The following SUGCT variants were observed in gnomAD, a reference collection of about 807,000 sequenced individuals.
The protein encoded by SUGCT is succinyl-CoA:glutarate CoA-transferase.
SUGCT carries 41 observed loss-of-function variants against 55.0 expected under a neutral mutation model. The observed-to-expected ratio is 0.74, with a 90% CI of 0.58 to 0.97. SUGCT has a LOEUF of 0.97. Among genes scored for constraint, SUGCT ranks in the 50% least tolerant of loss-of-function variants. The pLI, the probability that SUGCT is intolerant of heterozygous loss-of-function variation, is 0.00. For missense variants in SUGCT, 568 were observed against 547.8 expected (o/e 1.04, Z -0.37); for synonymous variants, 187 against 200.4 (o/e 0.93, Z 0.56).
intron 9 of SUGCT, among the ~76,000 whole-genome samples, chr7:40,415,044 CAA>C (rs66493575): frequency 0.011 from 766 of 71,036 alleles, 14 homozygotes; most frequent in Middle Eastern, 0.019. Flanking sequence ...CACTCTGTCA[CAA>C]AAAAAAAAAA....
At chr7:40,921,696 C>T in the SUGCT span, among the ~76,000 whole-genome samples, 1 of 152,184 alleles carries the variant, frequency 6.6e-6, no homozygotes, top group Admixed American at 6.5e-5. Context: ...CCTTTGTCTG[C>T]TTCCAAAGCT....
chr7:40,146,152 A>G (rs182679244), intron 1 of SUGCT, among the ~76,000 whole-genome samples: 50 of 151,982 alleles, frequency 3.3e-4, no homozygotes, highest in African/African-American at 1.1e-3. Context: ...TGTGCTCATA[A>G]TGTTTCCTCT....
chr7:40,589,025 G>A (rs1467257377), intron 12 of SUGCT, among the ~76,000 whole-genome samples: 1 of 152,056 alleles, frequency 6.6e-6, no homozygotes, highest in Non-Finnish European at 1.5e-5. Flanking sequence ...CATTTTCAAA[G>A]TATGATCTAA....
chr7:40,430,560 T>G (rs1787839407), intron 9 of SUGCT, among the ~76,000 whole-genome samples: 1 of 152,216 alleles, frequency 6.6e-6, no homozygotes. Flanking sequence ...TTTTAGATCT[T>G]AACCTCTTAT....
At chr7:40,865,043 C>T (rs1241034734), downstream of SUGCT, among the ~76,000 whole-genome samples, 6 of 152,098 alleles carry the variant, frequency 3.9e-5, no homozygotes, top group Non-Finnish European at 1.5e-5. Context: ...GTCCTGATTA[C>T]TCCCGTTCTT....
At chr7:40,341,531 A>G (rs1289174767) in intron 9 of SUGCT, among the ~76,000 whole-genome samples, 1 of 152,190 alleles carries the variant, frequency 6.6e-6, no homozygotes, top group African/African-American at 2.4e-5. Context: ...GATAATCTGA[A>G]AGGGCAGGCA....
chr7:40,352,750 T>A (rs1028323278), intron 9 of SUGCT, among the ~76,000 whole-genome samples: 1 of 152,190 alleles, frequency 6.6e-6, no homozygotes, highest in Non-Finnish European at 1.5e-5. Flanking sequence ...CGTGCGTGTG[T>A]CTTTATGGTA....
chr7:40,373,903 A>G (rs186650449), intron 9 of SUGCT, among the ~76,000 whole-genome samples: 232 of 152,278 alleles, frequency 1.5e-3, no homozygotes, highest in Middle Eastern at 3.4e-3. Context: ...CATAATGCCT[A>G]TATTAATTTT....
intron 12 of SUGCT, among the ~76,000 whole-genome samples, chr7:40,572,682 CTAA>C (rs1354605508): frequency 6.6e-6 from 1 of 152,108 alleles, no homozygotes; most frequent in Non-Finnish European, 1.5e-5. Context: ...TCATATTATC[CTAA>C]TGTTTAAAGT....
At chr7:40,842,505 A>G (rs1310556210) in intron 13 of SUGCT, among the ~76,000 whole-genome samples, 1 of 152,216 alleles carries the variant, frequency 6.6e-6, no homozygotes. Context: ...CCCAGATGAT[A>G]AAACCTTTAA....
the SUGCT span, among the ~76,000 whole-genome samples, chr7:40,944,542 T>A: frequency 3.3e-5 from 5 of 152,146 alleles, no homozygotes; most frequent in African/African-American, 1.2e-4. Context: ...TAGAGAATCC[T>A]TTCCCCATTG....
At chr7:40,581,799 C>T (rs771719808) in intron 12 of SUGCT, among the ~76,000 whole-genome samples, 10 of 152,142 alleles carry the variant, frequency 6.6e-5, no homozygotes, top group East Asian at 3.9e-4. Context: ...CATTTACAGC[C>T]GGGAAAGAAA....
At chr7:40,521,384 T>A (rs1190726999) in intron 12 of SUGCT, among the ~76,000 whole-genome samples, 1 of 152,134 alleles carries the variant, frequency 6.6e-6, no homozygotes, top group Non-Finnish European at 1.5e-5. Context: ...GATTATAATT[T>A]TCCCTTTCTA....
intron 13 of SUGCT, among the ~76,000 whole-genome samples, chr7:40,850,201 T>C (rs1793782085): frequency 6.6e-6 from 1 of 152,042 alleles, no homozygotes; most frequent in Non-Finnish European, 1.5e-5. Flanking sequence ...CAGAAAGCAG[T>C]GTGGTCCAGT....
chr7:41,014,386 A>AAAGTTAG, the SUGCT span, among the ~76,000 whole-genome samples: 60 of 152,312 alleles, frequency 3.9e-4, no homozygotes, highest in Non-Finnish European at 6.9e-4. Flanking sequence ...AAGAAACCTC[A>AAAGTTAG]AAGTTAGATA....
At chr7:40,539,287 C>T (rs924884487) in intron 12 of SUGCT, 3 of 151,932 alleles carry the variant, frequency 2.0e-5, no homozygotes, top group African/African-American at 4.8e-5. Flanking sequence ...TTCCCTGACT[C>T]GTCATTGAGA....
At chr7:40,836,959 T>A in intron 13 of SUGCT, among the ~76,000 whole-genome samples, 1 of 152,214 alleles carries the variant, frequency 6.6e-6, no homozygotes, top group East Asian at 1.9e-4. Flanking sequence ...TGTTTAGGTG[T>A]ACAGTTGCTA....
At chr7:40,856,424 A>G (rs1794170876) in intron 13 of SUGCT, among the ~76,000 whole-genome samples, 1 of 152,202 alleles carries the variant, frequency 6.6e-6, no homozygotes, top group Admixed American at 6.5e-5. Context: ...AAATCTTTCT[A>G]ATATTTTTCA....
At chr7:40,446,332 C>T (rs1788832683) in intron 9 of SUGCT, among the ~76,000 whole-genome samples, 1 of 151,758 alleles carries the variant, frequency 6.6e-6, no homozygotes, top group Non-Finnish European at 1.5e-5. Context: ...TACTTATTCG[C>T]CCCCCATCTC....
Sources: allele counts gnomAD v4.1 joint callset (sites outside exome capture counted in the v4.1 genomes callset), GRCh38; gene constraint gnomAD v4.1.1; transcripts MANE v1.5; gene names NCBI Gene and HGNC (gene_info 2026-07-23, HGNC 2026-07-21).